MGST1: variants seen among roughly 807,000 people sequenced by gnomAD.
The protein encoded by MGST1 is microsomal glutathione S-transferase 1.
In MGST1, 5 loss-of-function variants were observed where a neutral mutation model predicts 8.9. The observed-to-expected ratio is 0.56, with a 90% CI of 0.29 to 1.19. The LOEUF is 1.19. Among genes scored for constraint, MGST1 ranks in the 50% most tolerant of loss-of-function variants. The pLI is 0.08. For missense variants in MGST1, 182 were observed against 187.4 expected, an observed-to-expected ratio of 0.97 and a Z score of 0.17; for synonymous variants, 54 against 67.8, an observed-to-expected ratio of 0.80 and a Z score of 1.00.
chr12:16,350,337 A>G (rs1939405266), intron 1 of MGST1, among the ~76,000 whole-genome samples: 1 of 152,238 alleles, frequency 6.6e-6, no homozygotes, highest in Non-Finnish European at 1.5e-5. Context: ...TGAATGGAGA[A>G]TATAATGAGC....
At chr12:16,391,057 C>A (rs1940547858) in intron 1 of MGST1, among the ~76,000 whole-genome samples, 1 of 151,448 alleles carries the variant, frequency 6.6e-6, no homozygotes, top group African/African-American at 2.4e-5. Flanking sequence ...CTCTAATGAT[C>A]AGTGATATTG....
At chr12:16,405,969 AG>A (rs1192256165) in intron 1 of MGST1, among the ~76,000 whole-genome samples, 1 of 152,214 alleles carries the variant, frequency 6.6e-6, no homozygotes, top group Non-Finnish European at 1.5e-5. Context: ...AATGGGCAAA[AG>A]CTGAAACCAT....
chr12:16,426,321 C>T (rs1940886231), intron 1 of MGST1, among the ~76,000 whole-genome samples: 1 of 152,172 alleles, frequency 6.6e-6, no homozygotes, highest in Non-Finnish European at 1.5e-5. Flanking sequence ...TTGGAATGCT[C>T]ATTCACTGCA....
chr12:16,474,078 G>T (rs1941305470), intron 4 of MGST1, among the ~76,000 whole-genome samples: 1 of 152,134 alleles, frequency 6.6e-6, no homozygotes, highest in Admixed American at 6.5e-5. Context: ...CAACATTTGA[G>T]TTTCAGTTGG....
At chr12:16,399,631 C>A in intron 1 of MGST1, 1 of 1,607,058 alleles carries the variant, frequency 6.2e-7, no homozygotes, top group Non-Finnish European at 8.5e-7. Context: ...CCTTCTTCAG[C>A]ATCACTCCCC....
rs1158958843 is a variant in MGST1 at position 16,354,356 on chromosome 12, C to T, written c.104C>T (p.Ala35Val). Residue 35 changes from alanine (A) to valine (V), a missense_variant, in exon 2 of 4, where the codon GCA (alanine) becomes GTA (valine). Ala to Val is a moderately conservative substitution (Grantham distance 64). Coordinates refer to ENST00000396210, the MANE Select transcript of MGST1 (RefSeq NM_020300.5). ...SKMMLMSTAT[A>V]FYRLTRKVFA... is the part of the protein sequence containing the mutation. ...ATGATGCTTATGAGTACTGCAACTG[C>T]ATTCTATAGATTGACAAGAAAGGTA... 6.3e-7 allele frequency: 1 copy of T among 1,599,640 alleles called. No homozygotes were observed. The highest frequency in any genetic ancestry group is 8.5e-7 in the Non-Finnish European group (1 of 1,176,192).
At chr12:16,349,218 G>C (rs908051857) in intron 1 of MGST1, 1 of 152,160 alleles carries the variant, frequency 6.6e-6, no homozygotes, top group Admixed American at 6.5e-5. Flanking sequence ...TGCGTGCCCA[G>C]ATTATTCATG....
intron 4 of MGST1, among the ~76,000 whole-genome samples, chr12:16,502,030 G>A (rs1941508449): frequency 6.6e-6 from 1 of 152,046 alleles, no homozygotes. Context: ...TTACTGAGAA[G>A]CAATGTCTAC....
Position 16,555,613 on chromosome 12 carries a change from A to G in MGST1, n.483-33915A>G, listed in dbSNP as rs1942163100. On this transcript the variant is annotated intron_variant and non_coding_transcript_variant, in intron 4 of 4. Coordinates refer to the MGST1 transcript ENST00000538857. This position sits in a 1 kb window ranked among gnomAD's most constrained non-coding sequence, Gnocchi z 5.5. Reference sequence around the variant, plus strand: ...TTTGTATTCATTTTGACTTTTATTTAATGGCTTTTCAAAGACTAAGTTTAC... The same window carrying G: ...TTTGTATTCATTTTGACTTTTATTTGATGGCTTTTCAAAGACTAAGTTTAC... Among the ~76,000 whole-genome samples the G allele has an allele frequency of 6.6e-6, 1 of 152,184 alleles. No homozygotes were observed. The highest frequency in any genetic ancestry group is 1.5e-5 in the Non-Finnish European group (1 of 68,014).
In MGST1 at chr12:16,531,774, T is replaced by C. The variant is rs192623206; in HGVS notation, n.483-57754T>C. Among the ~76,000 whole-genome samples, 297 of 152,216 alleles carry C rather than the reference T, an allele frequency of 2.0e-3. 1 individual carries two copies. The highest frequency in any genetic ancestry group is 6.3e-3 in the African/African-American group (260 of 41,554). ...AGCGGGAATGCACAGAGGCGCTTCTTTGTGCGGTATTGTTTCTGTGGGTAA... is the reference window on the plus strand; with the variant it reads ...AGCGGGAATGCACAGAGGCGCTTCTCTGTGCGGTATTGTTTCTGTGGGTAA... On this transcript the variant is annotated intron_variant and non_coding_transcript_variant, in intron 4 of 4. Transcript: ENST00000538857.
chr12:16,581,647 T>C (rs1406195624), intron 4 of MGST1, among the ~76,000 whole-genome samples: 2 of 152,206 alleles, frequency 1.3e-5, no homozygotes, highest in African/African-American at 2.4e-5. Context: ...ATTGCTATTA[T>C]AACAGGCTTA....
intron 1 of MGST1, among the ~76,000 whole-genome samples, chr12:16,431,769 A>T (rs963166062): frequency 7.9e-5 from 12 of 152,184 alleles, no homozygotes; most frequent in Non-Finnish European, 1.8e-4. Context: ...TGGGAAAATT[A>T]TGTTGATAGA....
intron 1 of MGST1, chr12:16,402,361 A>G (rs1034644980): frequency 5.6e-6 from 9 of 1,603,360 alleles, no homozygotes; most frequent in Middle Eastern, 1.9e-4. Context: ...CTTTCTGCCA[A>G]TTGCTGTACA....
intron 4 of MGST1, among the ~76,000 whole-genome samples, chr12:16,465,905 AGTTACATCTT>A (rs1292745148): frequency 6.6e-6 from 1 of 152,156 alleles, no homozygotes; most frequent in Non-Finnish European, 1.5e-5. Flanking sequence ...TTCCCAACTC[AGTTACATCTT>A]CCCACACCCC....
intron 4 of MGST1, chr12:16,549,408 C>A (rs1294578418): frequency 6.6e-6 from 1 of 152,412 alleles, no homozygotes; most frequent in African/African-American, 2.4e-5. Context: ...TTCACAGAAC[C>A]ATTTTCTTAA....
rs931192967 is a variant in MGST1 at position 16,387,681 on chromosome 12, C to T, written n.778+4077C>T. Among the ~76,000 whole-genome samples, 5 of 152,106 alleles carry T rather than the reference C, an allele frequency of 3.3e-5. No individual in the cohort carries two copies. In the South Asian group the frequency reaches 6.2e-4, roughly 19 times the overall value. ...AGCTGGGACTACAGGCGCCCACCACCACGCCTGGCTAATTTTTTGTATTTT... is the reference window on the plus strand; with the variant it reads ...AGCTGGGACTACAGGCGCCCACCACTACGCCTGGCTAATTTTTTGTATTTT... On this transcript the variant is annotated intron_variant and non_coding_transcript_variant, in intron 1 of 1. Coordinates refer to the MGST1 transcript ENST00000359720.
chr12:16,411,686 C>A (rs1323021706), intron 1 of MGST1, among the ~76,000 whole-genome samples: 1 of 152,082 alleles, frequency 6.6e-6, no homozygotes. Context: ...ATACTCTTGA[C>A]AGAGGCTAAA....
intron 4 of MGST1, among the ~76,000 whole-genome samples, chr12:16,469,250 C>T (rs1056241163): frequency 1.6e-5 from 2 of 127,552 alleles, no homozygotes; most frequent in African/African-American, 5.9e-5. Flanking sequence ...GTGGCACAAT[C>T]TTGGCTCTCA....
chr12:16,398,195 G>A (rs1360316481), intron 1 of MGST1, among the ~76,000 whole-genome samples: 1 of 151,532 alleles, frequency 6.6e-6, no homozygotes, highest in Non-Finnish European at 1.5e-5. Flanking sequence ...CATAAAATCC[G>A]AGACCCCTCC....
Sources: gnomAD v4.1 joint callset for allele counts (sites outside exome capture counted in the v4.1 genomes callset) on GRCh38, gnomAD v4.1.1 for gene constraint, Gnocchi (gnomAD v3.1) non-coding constraint, MANE v1.5 for transcripts, NCBI Gene and HGNC (gene_info 2026-07-23, HGNC 2026-07-21) for gene names.